The following SYNE2 variants were observed in gnomAD, a reference collection of about 807,000 sequenced individuals.
SYNE2 encodes the protein spectrin repeat containing nuclear envelope protein 2.
A neutral mutation model predicts 856.3 loss-of-function variants in SYNE2; 431 were observed. The observed-to-expected ratio is 0.50, with a 90% CI of 0.47 to 0.55. The LOEUF (loss-of-function observed/expected upper bound fraction) is 0.55. Ranked by LOEUF, SYNE2 falls within the 20% of genes least tolerant of loss-of-function variation. The probability of loss-of-function intolerance (pLI) is 0.00; values close to 1 mark genes in which losing one functional copy is unlikely to be tolerated. For missense variants in SYNE2, 8,129 were observed against 8,023.2 expected (o/e 1.01, Z -0.50); for synonymous variants, 2,923 against 2,872.3 (o/e 1.02, Z -0.56).
Position 64,109,592 on chromosome 14 carries a change from T to C in SYNE2, c.12609+1985T>C, listed in dbSNP as rs142929875. 1.6e-3 allele frequency among the ~76,000 whole-genome samples: 247 copies of C among 152,290 alleles called. 1 individual carries two copies. Among genetic ancestry groups the C allele is most frequent in the African/African-American group, 5.6e-3 (231 of 41,546 alleles). The stretch of plus-strand genomic sequence containing the variant: ...TGAACTAATTTATGTATGTGTGTAT[T>C]TGTATTTTCTTCTTAACTCAGAACT... On this transcript the variant is annotated intron_variant, in intron 65 of 115. Coordinates refer to ENST00000555002, the MANE Select transcript of SYNE2 (RefSeq NM_182914.3).
chr14:63,915,547 T>G (rs773797496), intron 2 of SYNE2, among the ~76,000 whole-genome samples: 2 of 152,172 alleles, frequency 1.3e-5, no homozygotes, highest in Non-Finnish European at 2.9e-5. Flanking sequence ...TGGATTCTAT[T>G]ACCTTTGCCA....
chr14:63,839,541 A>G (rs1889977425), intron 1 of SYNE2, among the ~76,000 whole-genome samples: 1 of 152,142 alleles, frequency 6.6e-6, no homozygotes, highest in East Asian at 1.9e-4. Flanking sequence ...TTCTAGATAT[A>G]TTCTGAGGCC....
intron 1 of SYNE2, among the ~76,000 whole-genome samples, chr14:63,879,297 G>A (rs2140565998): frequency 6.6e-6 from 1 of 152,286 alleles, no homozygotes; most frequent in Middle Eastern, 3.4e-3. Context: ...TAGCAAGGCA[G>A]GAAAAGAAGA....
intron 1 of SYNE2, among the ~76,000 whole-genome samples, chr14:63,818,340 G>A (rs1348812057): frequency 2.2e-4 from 18 of 80,006 alleles, no homozygotes; most frequent in South Asian, 1.2e-3. Context: ...TCAAGACTCC[G>A]TCTCAAAAAA....
intron 55 of SYNE2, among the ~76,000 whole-genome samples, chr14:64,080,109 C>G (rs1315123156): frequency 1.3e-5 from 2 of 152,020 alleles, no homozygotes; most frequent in African/African-American, 4.8e-5. Context: ...AGGTTCAAGT[C>G]TTTCCCCAAG....
rs1438020039 is a variant in SYNE2 at position 64,186,489 on chromosome 14, C to G, written c.17622C>G (p.Asp5874Glu). 1 of 1,614,122 alleles carries G rather than the reference C, an allele frequency of 6.2e-7. No homozygotes were observed. The highest frequency in any genetic ancestry group is 8.5e-7 in the Non-Finnish European group (1 of 1,180,048). Residue 5874 changes from aspartate to glutamate, a missense_variant, in exon 97 of 116, where the codon GAC (aspartate) becomes GAG (glutamate). Physicochemically the swap from Asp to Glu is conservative, Grantham distance 45. Coordinates refer to ENST00000555002, the MANE Select transcript of SYNE2 (RefSeq NM_182914.3). Reference protein sequence around the residue: ...NLKELQTMKADLTRHVLVEDV... With the variant: ...NLKELQTMKAELTRHVLVEDV... Reference sequence around the variant, plus strand: ...AAGAACTTCAAACTATGAAGGCGGACTTAACCCGGCACGTTCTCGTGGAAG... The same window carrying G: ...AAGAACTTCAAACTATGAAGGCGGAGTTAACCCGGCACGTTCTCGTGGAAG...
chr14:63,885,378 C>T (rs2094959523), intron 1 of SYNE2, among the ~76,000 whole-genome samples: 1 of 152,150 alleles, frequency 6.6e-6, no homozygotes, highest in Non-Finnish European at 1.5e-5. Context: ...CCTTGATGTG[C>T]TTAGGTCTGG....
In SYNE2 at chr14:64,005,965, A is replaced by T. The variant is rs368316570; in HGVS notation, c.4398-1078A>T. The stretch of plus-strand genomic sequence containing the variant: ...GGCCAGTACAGTAGGATGAAAATCA[A>T]GAGACTTCTGGGGTTACCTGAAGAA... On this transcript the variant is annotated intron_variant, in intron 30 of 115. Transcript: ENST00000555002. Among the ~76,000 whole-genome samples the T allele has an allele frequency of 9.8e-5, 15 of 152,358 alleles. No individual in the cohort carries two copies. The East Asian group carries it at 1.9e-3, about 20-fold the overall frequency.
intron 1 of SYNE2, among the ~76,000 whole-genome samples, chr14:63,822,888 G>C (rs569439259): frequency 6.6e-5 from 10 of 152,166 alleles, no homozygotes; most frequent in Non-Finnish European, 1.5e-4. Flanking sequence ...AGGATCACTT[G>C]ATGCCAGGAG....
chr14:63,937,312 G>A (rs1366064898), intron 2 of SYNE2, among the ~76,000 whole-genome samples: 3 of 152,212 alleles, frequency 2.0e-5, no homozygotes, highest in Admixed American at 2.0e-4. Flanking sequence ...CAAGAGGTTT[G>A]TTTTTGGATG....
At chr14:64,059,959 G>A (rs1445723630) in intron 49 of SYNE2, among the ~76,000 whole-genome samples, 2 of 152,108 alleles carry the variant, frequency 1.3e-5, no homozygotes, top group Non-Finnish European at 2.9e-5. Context: ...AGAAAGTACT[G>A]CCAGGGTACT....
intron 54 of SYNE2, among the ~76,000 whole-genome samples, chr14:64,076,935 C>T (rs894629640): frequency 1.3e-5 from 2 of 151,990 alleles, no homozygotes; most frequent in African/African-American, 4.8e-5. Flanking sequence ...TTTTAGTTAA[C>T]ACACAAGAAA....
At chr14:63,943,521 G>T (rs1419313170) in intron 6 of SYNE2, among the ~76,000 whole-genome samples, 1 of 152,042 alleles carries the variant, frequency 6.6e-6, no homozygotes, top group Non-Finnish European at 1.5e-5. Context: ...ACGTGCATTT[G>T]TAATTACAAT....
At chr14:64,199,317 C>T (rs2098552066) in intron 99 of SYNE2, among the ~76,000 whole-genome samples, 1 of 152,166 alleles carries the variant, frequency 6.6e-6, no homozygotes, top group African/African-American at 2.4e-5. Flanking sequence ...GACCAGACTA[C>T]CCAGGTTAGA....
intron 107 of SYNE2, 52 bp downstream of exon 107, chr14:64,215,406 C>T (rs769547115): frequency 6.4e-7 from 1 of 1,566,068 alleles, no homozygotes; most frequent in East Asian, 2.2e-5. Context: ...GTGGCGCACA[C>T]TGCATCCTCA....
intron 64 of SYNE2, among the ~76,000 whole-genome samples, chr14:64,104,704 G>C (rs903648795): frequency 6.6e-6 from 1 of 151,984 alleles, no homozygotes; most frequent in Non-Finnish European, 1.5e-5. Context: ...ACCTGCCTTG[G>C]CCTCCCAAAG....
At chr14:63,868,367 A>G (rs1028054391) in intron 1 of SYNE2, among the ~76,000 whole-genome samples, 5 of 151,792 alleles carry the variant, frequency 3.3e-5, no homozygotes, top group African/African-American at 1.2e-4. Flanking sequence ...CCCAGCTGCT[A>G]AGGAAGCTGA....
chr14:63,883,282 C>T (rs1441451566), intron 1 of SYNE2, among the ~76,000 whole-genome samples: 1 of 152,178 alleles, frequency 6.6e-6, no homozygotes, highest in African/African-American at 2.4e-5. Flanking sequence ...TGGTCTTGAA[C>T]TCCTGATGTC....
intron 16 of SYNE2, among the ~76,000 whole-genome samples, chr14:63,981,692 T>C (rs1384939678): frequency 6.6e-6 from 1 of 152,214 alleles, no homozygotes; most frequent in Non-Finnish European, 1.5e-5. Context: ...TCATGTGTTA[T>C]TTATGTAATA....
Sources: allele counts gnomAD v4.1 joint callset (sites outside exome capture counted in the v4.1 genomes callset), GRCh38; gene constraint gnomAD v4.1.1; transcripts MANE v1.5; gene names NCBI Gene and HGNC (gene_info 2026-07-23, HGNC 2026-07-21).